The following PPP3CA variants were observed in gnomAD, a reference collection of about 807,000 sequenced individuals.
The protein encoded by PPP3CA is CAM-PRP catalytic subunit.
A neutral mutation model predicts 66.5 loss-of-function variants in PPP3CA; 14 were observed. The observed-to-expected ratio is 0.21, with a 90% CI of 0.14 to 0.33. PPP3CA has a LOEUF of 0.33. PPP3CA is among the 10% of genes least tolerant of loss of function. The pLI, the probability that PPP3CA is intolerant of heterozygous loss-of-function variation, is 1.00. For synonymous variants in PPP3CA, 232 were observed against 226.2 expected, an observed-to-expected ratio of 1.03 and a Z score of -0.23; for missense variants, 317 against 639.5, an observed-to-expected ratio of 0.50 and a Z score of 5.44.
intron 2 of PPP3CA, among the ~76,000 whole-genome samples, chr4:101,164,235 T>TA (rs1723614999): frequency 6.9e-6 from 1 of 145,612 alleles, no homozygotes; most frequent in African/African-American, 2.6e-5. Context: ...GCCACTCCCT[T>TA]ATCCCACCCC....
At position 101,034,584 on chromosome 4, in the gene PPP3CA, G is replaced by T. The variant is rs146593100; in HGVS notation, c.1242-2220C>A. On this transcript the variant is annotated intron_variant, in intron 11 of 13. Coordinates refer to ENST00000394854, the MANE Select transcript of PPP3CA (RefSeq NM_000944.5). Reference sequence around the variant, plus strand: ...TGCTGCATCCACAGCACCCAGACTAGAACAGTACCTGGTACATAGCTCACA... The same window carrying T: ...TGCTGCATCCACAGCACCCAGACTATAACAGTACCTGGTACATAGCTCACA... Among the ~76,000 whole-genome samples the T allele has an allele frequency of 2.2e-3, 330 of 148,660 alleles. 2 individuals are homozygous for T. The highest frequency in any genetic ancestry group is 6.8e-3 in the South Asian group (32 of 4,740).
At chr4:101,157,703 C>A (rs1008440969) in intron 2 of PPP3CA, among the ~76,000 whole-genome samples, 1 of 152,088 alleles carries the variant, frequency 6.6e-6, no homozygotes, top group African/African-American at 2.4e-5. Flanking sequence ...TGAAACCCAT[C>A]AAGAGAATGT....
At chr4:101,270,622 A>G (rs1429336022) in intron 1 of PPP3CA, among the ~76,000 whole-genome samples, 1 of 152,166 alleles carries the variant, frequency 6.6e-6, no homozygotes, top group Non-Finnish European at 1.5e-5. Flanking sequence ...ATTAAAGTAC[A>G]TCTTCTAGAA....
chr4:101,280,197 T>C (rs1050114466), intron 1 of PPP3CA, among the ~76,000 whole-genome samples: 1 of 151,988 alleles, frequency 6.6e-6, no homozygotes, highest in African/African-American at 2.4e-5. Context: ...AAATAAGCAT[T>C]AGAGAGAAAA....
chr4:101,307,875 A>T (rs1488896283), intron 1 of PPP3CA, among the ~76,000 whole-genome samples: 1 of 152,208 alleles, frequency 6.6e-6, no homozygotes, highest in African/African-American at 2.4e-5. Flanking sequence ...TTCTATTTAT[A>T]CTCCAATTCC....
At chr4:101,122,450 T>C (rs1722061042) in intron 2 of PPP3CA, among the ~76,000 whole-genome samples, 1 of 152,222 alleles carries the variant, frequency 6.6e-6, no homozygotes, top group South Asian at 2.1e-4. Context: ...GTTACAGATG[T>C]GACACAGGGT....
intron 1 of PPP3CA, among the ~76,000 whole-genome samples, chr4:101,216,897 T>C (rs1188649557): frequency 6.6e-6 from 1 of 152,052 alleles, no homozygotes; most frequent in African/African-American, 2.4e-5. Flanking sequence ...ACCACATATA[T>C]TTATGGCAAA....
At chr4:101,085,835 TACAC>T (rs60331979) in intron 6 of PPP3CA, among the ~76,000 whole-genome samples, 2 of 143,860 alleles carry the variant, frequency 1.4e-5, no homozygotes, top group African/African-American at 5.1e-5. Flanking sequence ...ACTGCGTATA[TACAC>T]ACACACACAC....
At chr4:101,230,092 T>C (rs1375878329) in intron 1 of PPP3CA, among the ~76,000 whole-genome samples, 1 of 151,700 alleles carries the variant, frequency 6.6e-6, no homozygotes, top group East Asian at 1.9e-4. Flanking sequence ...TGTGATTCCA[T>C]GAGATCTGGA....
At chr4:101,208,399 G>A (rs1195371526) in intron 1 of PPP3CA, among the ~76,000 whole-genome samples, 1 of 152,146 alleles carries the variant, frequency 6.6e-6, no homozygotes, top group Non-Finnish European at 1.5e-5. Context: ...GAGCAATGGT[G>A]AGAAACCTCA....
intron 2 of PPP3CA, among the ~76,000 whole-genome samples, chr4:101,139,660 C>G (rs575162929): frequency 2.9e-5 from 4 of 138,526 alleles, no homozygotes; most frequent in Non-Finnish European, 4.6e-5. Flanking sequence ...TGGAATGGAT[C>G]TTCTACCCAA....
At position 101,054,671 on chromosome 4, in the gene PPP3CA, C is replaced by A. The variant is rs538473336; in HGVS notation, c.1156+6416G>T. Among the ~76,000 whole-genome samples the A allele has an allele frequency of 3.9e-5, 6 of 152,164 alleles. No homozygotes were observed. In the East Asian group the frequency reaches 1.2e-3, roughly 29 times the overall value. On this transcript the variant is annotated intron_variant, in intron 10 of 13. Transcript: ENST00000394854. ...AGCTAGACAGAAATAGGTAGGGAGA[C>A]ACTCTGGAACCTGTGGTATTAGATA...
At chr4:101,224,250 T>C (rs1167710955) in intron 1 of PPP3CA, among the ~76,000 whole-genome samples, 1 of 151,776 alleles carries the variant, frequency 6.6e-6, no homozygotes, top group East Asian at 1.9e-4. Context: ...ATTATATGTC[T>C]TTACCAGCTG....
Position 101,025,923 on chromosome 4 carries a change from A to G in PPP3CA, c.1508T>C (p.Leu503Pro). 1 of 1,611,338 alleles carries G rather than the reference A, an allele frequency of 6.2e-7. No individual in the cohort carries two copies. The highest frequency in any genetic ancestry group is 8.5e-7 in the Non-Finnish European group (1 of 1,179,200). ...DANLNSINKA[L>P]TSETNGTDSN... ...GTCCGTGCCGTTAGTCTCTGAGGTG[A>G]GAGCCTTGTTGATGGAGTTAAGGTT... The change falls in exon 14 of 14, where the codon CTC becomes CCC. Residue 503 changes from leucine (L) to proline (P), a missense_variant. Physicochemically the swap from Leu to Pro is moderately conservative, Grantham distance 98 (BLOSUM62 -3). This residue lies in a region of PPP3CA where 40 missense variants were observed against 38.6 expected (regional missense o/e 1.04). Transcript: ENST00000394854.
chr4:101,073,176 C>T (rs1728994042), intron 8 of PPP3CA, among the ~76,000 whole-genome samples: 1 of 151,384 alleles, frequency 6.6e-6, no homozygotes, highest in African/African-American at 2.4e-5. Flanking sequence ...CTTGGGTTCT[C>T]TTCAGCCTTA....
chr4:101,120,459 C>G (rs753213725), intron 2 of PPP3CA, among the ~76,000 whole-genome samples: 1 of 151,954 alleles, frequency 6.6e-6, no homozygotes, highest in Non-Finnish European at 1.5e-5. Flanking sequence ...GGCCTTAGGT[C>G]TCCCGTTGAT....
chr4:101,123,585 T>C (rs2135613), intron 2 of PPP3CA, among the ~76,000 whole-genome samples: 83,780 of 151,980 alleles, frequency 0.55, 25,311 homozygotes, highest in African/African-American at 0.79. Context: ...AATCCTAGCA[T>C]TTTGGGAGGT....
chr4:101,287,094 G>A (rs1578631159), intron 1 of PPP3CA, among the ~76,000 whole-genome samples: 1 of 150,900 alleles, frequency 6.6e-6, no homozygotes, highest in South Asian at 2.1e-4. Context: ...AGTAATGTGA[G>A]GCTATGTTTA....
At chr4:101,050,565 A>G (rs546327946) in intron 10 of PPP3CA, among the ~76,000 whole-genome samples, 116 of 152,276 alleles carry the variant, frequency 7.6e-4, no homozygotes, top group African/African-American at 2.7e-3. Context: ...CAACAACCAC[A>G]TGGAGATGGT....
Sources: gnomAD v4.1 joint callset for allele counts (sites outside exome capture counted in the v4.1 genomes callset) on GRCh38, gnomAD v4.1.1 for gene constraint, gnomAD v4.1.1 regional missense constraint, MANE v1.5 for transcripts, NCBI Gene and HGNC (gene_info 2026-07-23, HGNC 2026-07-21) for gene names.